Variants in CFAP61 observed in about 807,000 individuals in gnomAD.
CFAP61 encodes cilia and flagella associated protein 61.
In CFAP61, 107 loss-of-function variants were observed where a neutral mutation model predicts 135.6. The observed-to-expected ratio is 0.79, with a 90% CI of 0.67 to 0.93. CFAP61 has a LOEUF of 0.93. Ranked by LOEUF, CFAP61 falls within the 40% of genes least tolerant of loss-of-function variation. The pLI, the probability that CFAP61 is intolerant of heterozygous loss-of-function variation, is 0.00. For synonymous variants in CFAP61, 575 were observed against 578.5 expected, an observed-to-expected ratio of 0.99 and a Z score of 0.09; for missense variants, 1,507 against 1,556.2, an observed-to-expected ratio of 0.97 and a Z score of 0.53.
At chr20:20,345,883 CTTTTTTTTTTTTT>C (rs756813997) in intron 26 of CFAP61, among the ~76,000 whole-genome samples, 7 of 50,428 alleles carry the variant, frequency 1.4e-4, no homozygotes, top group South Asian at 3.0e-3. Context: ...GATTGTGCCA[CTTTTTTTTTTTTT>C]TTTTTTTTTT....
intron 15 of CFAP61, among the ~76,000 whole-genome samples, 185 bp from the exon 16 acceptor site, chr20:20,196,385 T>G (rs143478390): frequency 6.6e-6 from 1 of 152,138 alleles, no homozygotes; most frequent in Non-Finnish European, 1.5e-5. Context: ...TCAGAACAAC[T>G]AGCACTCAGG....
At chr20:20,348,195 C>T (rs953733322) in intron 26 of CFAP61, among the ~76,000 whole-genome samples, 7 of 152,064 alleles carry the variant, frequency 4.6e-5, no homozygotes, top group Non-Finnish European at 8.8e-5. Context: ...CAAAGCTAGA[C>T]AAAGACACTG....
Position 20,359,228 on chromosome 20 carries a change from A to G in CFAP61, c.3514-982A>G, listed in dbSNP as rs1490752526. On this transcript the variant is annotated intron_variant, in intron 26 of 26. Transcript: ENST00000245957. The surrounding 1 kb of genome is among the most constrained non-coding windows in gnomAD (Gnocchi z 4.0). ...GAGCCCTACCTTTTTAAATATATCA[A>G]TAAAATTTGACTTGATTGTGAATTT... 6.6e-6 allele frequency among the ~76,000 whole-genome samples: 1 copy of G among 152,236 alleles called. No individual in the cohort carries two copies. Among genetic ancestry groups the G allele is most frequent in the Admixed American group, 6.5e-5 (1 of 15,286 alleles).
At chr20:20,079,660 G>C (rs1313757701) in intron 6 of CFAP61, among the ~76,000 whole-genome samples, 1 of 152,148 alleles carries the variant, frequency 6.6e-6, no homozygotes, top group Non-Finnish European at 1.5e-5. Flanking sequence ...ATGAACTTCA[G>C]ATACATATTA....
intron 25 of CFAP61, chr20:20,322,595 G>A (rs1467910149): frequency 3.3e-6 from 2 of 613,038 alleles, no homozygotes; most frequent in Admixed American, 6.3e-5. Context: ...AAAGAGGGAA[G>A]TGGTATATAT....
At chr20:20,275,187 G>A (rs555218537) in intron 21 of CFAP61, among the ~76,000 whole-genome samples, 1 of 152,196 alleles carries the variant, frequency 6.6e-6, no homozygotes, top group South Asian at 2.1e-4. Context: ...CAAGCAGGAT[G>A]AAACACACAT....
intron 2 of CFAP61, among the ~76,000 whole-genome samples, chr20:20,070,376 T>C (rs952986145): frequency 3.9e-4 from 59 of 152,326 alleles, no homozygotes; most frequent in African/African-American, 1.3e-3. Flanking sequence ...TTAGCTTTAC[T>C]GCTGTTCATA....
At chr20:20,253,873 A>C in intron 20 of CFAP61, 2 of 175,214 alleles carry the variant, frequency 1.1e-5, no homozygotes, top group South Asian at 1.1e-4. Flanking sequence ...CATTTCTAAC[A>C]AGCTCCCGGG....
chr20:20,117,381 T>C (rs1249498244), intron 8 of CFAP61, among the ~76,000 whole-genome samples: 3 of 151,882 alleles, frequency 2.0e-5, no homozygotes, highest in African/African-American at 7.3e-5. Context: ...AATAAATAAA[T>C]AAATAAATAG....
intron 3 of CFAP61, among the ~76,000 whole-genome samples, chr20:20,072,474 C>G (rs2045790225): frequency 6.6e-6 from 1 of 152,132 alleles, no homozygotes; most frequent in Non-Finnish European, 1.5e-5. Flanking sequence ...TCCAGCTCTT[C>G]AAGTGCAAAG....
chr20:20,354,130 C>T (rs1479602801), intron 26 of CFAP61, among the ~76,000 whole-genome samples: 1 of 152,144 alleles, frequency 6.6e-6, no homozygotes, highest in Admixed American at 6.5e-5. Flanking sequence ...CAATGGAATA[C>T]TATTCAGCCT....
intron 23 of CFAP61, among the ~76,000 whole-genome samples, chr20:20,289,757 C>T (rs576324097): frequency 6.6e-6 from 1 of 152,318 alleles, no homozygotes; most frequent in Admixed American, 6.5e-5. Context: ...AGGTGGTGGC[C>T]GTAGGCAGGC....
intron 10 of CFAP61, among the ~76,000 whole-genome samples, chr20:20,162,366 C>A (rs1244708488): frequency 6.6e-6 from 1 of 152,172 alleles, no homozygotes; most frequent in Non-Finnish European, 1.5e-5. Context: ...GGACCACAGT[C>A]CTCAATACAG....
chr20:20,298,356 A>G lies in CFAP61; in HGVS notation c.3392A>G (p.Tyr1131Cys). 1.2e-6 allele frequency: 2 copies of G among 1,614,172 alleles called. No homozygotes were observed. The highest frequency in any genetic ancestry group is 1.7e-6 in the Non-Finnish European group (2 of 1,180,020). Residue 1131 changes from tyrosine (Y) to cysteine (C), a missense_variant, in exon 25 of 27, where the codon TAC becomes TGC. By Grantham distance (194) the Tyr-to-Cys change is radical. Transcript: ENST00000245957. The stretch of plus-strand genomic sequence containing the variant: ...CTCCTCAACAACCTGTGTGCTCGGT[A>G]CGATGAAAACCTGATCACAGATCTC... The part of the protein sequence containing the change: ...EQLLNNLCAR[Y>C]DENLITDLYS...
rs1055686345 is a variant in CFAP61 at position 20,290,364 on chromosome 20, G to C, written c.3189G>C (p.Leu1063Phe). Residue 1063 changes from leucine to phenylalanine, a missense_variant, in exon 24 of 27, where the codon TTG (leucine) becomes TTC (phenylalanine). Leu to Phe is a conservative substitution (Grantham distance 22). Transcript: ENST00000245957. ...CCAAGCCTGCCATTCCAACTCCCTT[G>C]GAGGTACAAATGGCACAGCCTAATT... ...HIAKPAIPTP[L>F]EVQMAQPNYG... 2.5e-6 allele frequency: 4 copies of C among 1,611,794 alleles called. No homozygotes were observed. In the Admixed American group the frequency reaches 6.7e-5, roughly 27 times the overall value.
intron 17 of CFAP61, among the ~76,000 whole-genome samples, chr20:20,208,941 G>A (rs182071768): frequency 6.6e-6 from 1 of 152,026 alleles, no homozygotes; most frequent in Non-Finnish European, 1.5e-5. Flanking sequence ...TCTTTGGGGT[G>A]GGGGGGCATG....
At chr20:20,118,253 G>GTTTCTTTCTTTCTTTCTTTCTTTC in intron 8 of CFAP61, among the ~76,000 whole-genome samples, 1 of 138,610 alleles carries the variant, frequency 7.2e-6, no homozygotes, top group Non-Finnish European at 1.5e-5. Flanking sequence ...TTTGAGGTAT[G>GTTTCTTTCTTTCTTTCTTTCTTTC]TTTCTTTCTT....
intron 19 of CFAP61, among the ~76,000 whole-genome samples, chr20:20,247,381 T>A (rs141107341): frequency 6.6e-6 from 1 of 152,322 alleles, no homozygotes; most frequent in African/African-American, 2.4e-5. Context: ...TGACGCTGCG[T>A]GGGCAGACTG....
intron 22 of CFAP61, among the ~76,000 whole-genome samples, chr20:20,285,455 C>T (rs1054079407): frequency 6.6e-6 from 1 of 151,912 alleles, no homozygotes; most frequent in East Asian, 1.9e-4. Flanking sequence ...TATATTGTTC[C>T]CTGGGGCTCT....
Sources: gnomAD v4.1 joint callset for allele counts (sites outside exome capture counted in the v4.1 genomes callset) on GRCh38, gnomAD v4.1.1 for gene constraint, Gnocchi (gnomAD v3.1) non-coding constraint, MANE v1.5 for transcripts, NCBI Gene and HGNC (gene_info 2026-07-23, HGNC 2026-07-21) for gene names.